The following SMOX variants were observed in gnomAD, a reference collection of about 807,000 sequenced individuals.
The protein encoded by SMOX is flavin containing amine oxidase.
SMOX carries 22 observed loss-of-function variants against 51.0 expected under a neutral mutation model. The ratio of observed to expected loss-of-function variants is 0.43; its 90% CI spans 0.31 to 0.62. The LOEUF is 0.62. SMOX is among the 20% of genes least tolerant of loss of function. The probability of loss-of-function intolerance (pLI) is 0.10; values close to 1 mark genes in which losing one functional copy is unlikely to be tolerated. For missense variants in SMOX, 566 were observed against 777.7 expected (o/e 0.73, Z 3.24); for synonymous variants, 282 against 307.8 (o/e 0.92, Z 0.88).
intron 1 of SMOX, among the ~76,000 whole-genome samples, chr20:4,158,012 T>C (rs1216249776): frequency 1.3e-5 from 2 of 151,874 alleles, no homozygotes; most frequent in South Asian, 2.1e-4. Flanking sequence ...GCCATTCTCC[T>C]GCCTCAGCCT....
chr20:4,156,082 T>C (rs1986010154), intron 1 of SMOX, among the ~76,000 whole-genome samples: 1 of 152,102 alleles, frequency 6.6e-6, no homozygotes, highest in Non-Finnish European at 1.5e-5. Context: ...AGGGGACAAA[T>C]AAGGGTAGAA....
intron 1 of SMOX, among the ~76,000 whole-genome samples, chr20:4,150,146 C>T (rs1985662097): frequency 6.6e-6 from 1 of 152,200 alleles, no homozygotes; most frequent in South Asian, 2.1e-4. Flanking sequence ...TGCCTTGGCA[C>T]CCTGTCTCTC....
At chr20:4,158,046 G>A (rs908231086) in intron 1 of SMOX, among the ~76,000 whole-genome samples, 63 of 150,506 alleles carry the variant, frequency 4.2e-4, no homozygotes, top group Non-Finnish European at 4.3e-4. Flanking sequence ...GACTACAGGC[G>A]CCCGCCACCA....
At chr20:4,179,125 A>G (rs1477358896) in intron 3 of SMOX, among the ~76,000 whole-genome samples, 6 of 152,180 alleles carry the variant, frequency 3.9e-5, no homozygotes, top group Non-Finnish European at 8.8e-5. Context: ...ATTCTCACTC[A>G]TGTGCAAAGA....
At position 4,182,321 on chromosome 20, in the gene SMOX, G is replaced by A. The variant is rs755137940; in HGVS notation, c.842G>A (p.Arg281Gln). Residue 281 changes from arginine (R) to glutamine (Q), a missense_variant, in exon 5 of 7, where the codon CGG becomes CAG. By Grantham distance (43) the Arg-to-Gln change is conservative (BLOSUM62 1). Transcript: ENST00000305958. The surrounding 1 kb of genome is among the most constrained non-coding windows in gnomAD (Gnocchi z 8.4). ...CCCAGAGGCCCTGAGATTGAGCCCC[G>A]GGGTGAGGGCGACCACAATCACGAC... The part of the protein sequence containing the change: ...ARPRGPEIEP[R>Q]GEGDHNHDTG... 44 of 1,597,272 alleles carry A rather than the reference G, an allele frequency of 2.8e-5. No individual in the cohort carries two copies. The highest frequency in any genetic ancestry group is 1.5e-4 in the Admixed American group (9 of 59,024).
chr20:4,175,013 A>G lies in SMOX; in HGVS notation c.-26-17A>G. 4 of 1,608,742 alleles carry G rather than the reference A, an allele frequency of 2.5e-6. No homozygotes were observed. Among genetic ancestry groups the G allele is most frequent in the South Asian group, 1.1e-5 (1 of 90,884 alleles). On this transcript the variant is annotated splice_polypyrimidine_tract_variant and intron_variant, in intron 1 of 6. Transcript: ENST00000305958. ...GAAGGCAGAGCCACTAAGCTGTGAC[A>G]CCTCCTCCCCCTGCAGGTTCCTAGA...
intron 1 of SMOX, among the ~76,000 whole-genome samples, chr20:4,154,564 T>C (rs1985914009): frequency 6.6e-6 from 1 of 152,066 alleles, no homozygotes; most frequent in Non-Finnish European, 1.5e-5. Context: ...GGTTTCACCA[T>C]ATTGGTCAGG....
At chr20:4,156,020 AT>A (rs1986006640) in intron 1 of SMOX, among the ~76,000 whole-genome samples, 1 of 152,090 alleles carries the variant, frequency 6.6e-6, no homozygotes, top group African/African-American at 2.4e-5. Flanking sequence ...GTCCTGCGGG[AT>A]GGGAGGGGAT....
Position 4,181,814 on chromosome 20 carries a change from G to T in SMOX, c.447G>T (p.Leu149Phe). The change falls in exon 4 of 7, where the codon TTG (leucine) becomes TTT (phenylalanine). Residue 149 changes from leucine to phenylalanine, a missense_variant. Physicochemically the swap from Leu to Phe is conservative, Grantham distance 22. This residue lies in a region of SMOX where 217 missense variants were observed against 278.4 expected (regional missense o/e 0.78). Transcript: ENST00000305958. The surrounding 1 kb of genome is among the most constrained non-coding windows in gnomAD (Gnocchi z 5.6). ...FSDLYNEVYN[L>F]TQEFFRHDKP... ...GGTCTCTCTGGCAGGTCTATAACTT[G>T]ACCCAGGAGTTCTTCCGGCACGATA... 1 of 1,613,952 alleles carries T rather than the reference G, an allele frequency of 6.2e-7. No homozygotes were observed. The highest frequency in any genetic ancestry group is 1.1e-5 in the South Asian group (1 of 91,032).
At chr20:4,155,403 C>T (rs6052403) in intron 1 of SMOX, among the ~76,000 whole-genome samples, 4,518 of 144,304 alleles carry the variant, frequency 0.031, 229 homozygotes, top group African/African-American at 0.1. Flanking sequence ...ACCTCTGCGG[C>T]GTACGTGGGA....
rs1267852621 is a variant in SMOX, at chr20:4,170,348, C to T, written c.-26-4682C>T. Among the ~76,000 whole-genome samples, 1 of 152,150 alleles carries T rather than the reference C, an allele frequency of 6.6e-6. No homozygotes were observed. The highest frequency in any genetic ancestry group is 2.4e-5 in the African/African-American group (1 of 41,438). On this transcript the variant is annotated intron_variant, in intron 1 of 6. Coordinates refer to ENST00000305958, the MANE Select transcript of SMOX (RefSeq NM_175839.3). The surrounding 1 kb of genome is among the most constrained non-coding windows in gnomAD (Gnocchi z 4.6). Reference sequence around the variant, plus strand: ...AAGTGCCAGGAGTTGGGTGGTGCCTCCTGTTTAGTTCTGGGCATTTCCAGG... The same window carrying T: ...AAGTGCCAGGAGTTGGGTGGTGCCTTCTGTTTAGTTCTGGGCATTTCCAGG...
At chr20:4,163,364 G>C (rs1268861749) in intron 1 of SMOX, among the ~76,000 whole-genome samples, 1 of 152,190 alleles carries the variant, frequency 6.6e-6, no homozygotes, top group Non-Finnish European at 1.5e-5. Flanking sequence ...CCTGGGCCAG[G>C]CTCCCTGCCC....
chr20:4,155,265 C>T (rs1985956319), intron 1 of SMOX, among the ~76,000 whole-genome samples: 1 of 152,174 alleles, frequency 6.6e-6, no homozygotes, highest in Non-Finnish European at 1.5e-5. Flanking sequence ...GCTGCCGGGC[C>T]ATCACCCCAG....
rs140225529 is a variant in SMOX at position 4,181,835 on chromosome 20, C to T, written c.468C>T (p.His156=). Residue 156 remains histidine, a synonymous_variant, in exon 4 of 7, where the codon CAC becomes CAT. Transcript: ENST00000305958. This position sits in a 1 kb window ranked among gnomAD's most constrained non-coding sequence, Gnocchi z 5.6. ...ACTTGACCCAGGAGTTCTTCCGGCA[C>T]GATAAACCAGTCAATGCTGAAAGTC... is the stretch of plus-strand genomic sequence containing the variant. ...VYNLTQEFFR[H]DKPVNAESQN... is the part of the protein sequence containing the mutation. 1.0e-4 allele frequency: 167 copies of T among 1,614,048 alleles called. No individual in the cohort carries two copies. In the East Asian group the frequency reaches 2.4e-3, roughly 23 times the overall value.
In SMOX at chr20:4,153,965, G is replaced by A. The variant is rs1985883480; in HGVS notation, c.-27+4988G>A. 1.3e-5 allele frequency among the ~76,000 whole-genome samples: 2 copies of A among 152,198 alleles called. No individual in the cohort carries two copies. The highest frequency in any genetic ancestry group is 4.1e-4 in the South Asian group (2 of 4,826). On this transcript the variant is annotated intron_variant, in intron 1 of 6. Transcript: ENST00000305958. The surrounding 1 kb of genome is among the most constrained non-coding windows in gnomAD (Gnocchi z 4.4). Reference sequence around the variant, plus strand: ...GTGTTCAGAGCCTTTGGGAACACAGGACACGGTTCCTGCTCTCCAGGAAAT... The same window carrying A: ...GTGTTCAGAGCCTTTGGGAACACAGAACACGGTTCCTGCTCTCCAGGAAAT...
intron 1 of SMOX, among the ~76,000 whole-genome samples, chr20:4,174,708 A>AT (rs1978689662): frequency 6.6e-6 from 1 of 152,110 alleles, no homozygotes; most frequent in African/African-American, 2.4e-5. Flanking sequence ...GGGATTGAGA[A>AT]TTTCAGGGGC....
At chr20:4,161,773 C>T (rs777015999) in intron 1 of SMOX, among the ~76,000 whole-genome samples, 10 of 152,200 alleles carry the variant, frequency 6.6e-5, no homozygotes, top group Non-Finnish European at 1.3e-4. Context: ...GTTGCAGTAT[C>T]CCCAGTGCCT....
intron 1 of SMOX, among the ~76,000 whole-genome samples, chr20:4,163,449 C>T (rs1337545013): frequency 6.6e-6 from 1 of 152,116 alleles, no homozygotes; most frequent in South Asian, 2.1e-4. Flanking sequence ...GAGTGTTTAC[C>T]TGGGGACTTC....
Position 4,182,328 on chromosome 20 carries a change from G to C in SMOX, c.849G>C (p.Glu283Asp). ...PRGPEIEPRG[E>D]GDHNHDTGEG... ...GCCCTGAGATTGAGCCCCGGGGTGA[G>C]GGCGACCACAATCACGACACTGGGG... is the stretch of plus-strand genomic sequence containing the variant. Residue 283 changes from glutamate (E) to aspartate (D), a missense_variant, in exon 5 of 7, where the codon GAG becomes GAC. By Grantham distance (45) the Glu-to-Asp change is conservative. Around this residue, in one of 3 missense-constraint regions of SMOX, gnomAD observed 347 missense variants for 481.8 expected, o/e 0.72. Coordinates refer to ENST00000305958, the MANE Select transcript of SMOX (RefSeq NM_175839.3). The surrounding 1 kb of genome is among the most constrained non-coding windows in gnomAD (Gnocchi z 8.4). 6.3e-7 allele frequency: 1 copy of C among 1,595,552 alleles called. No homozygotes were observed. Among genetic ancestry groups the C allele is most frequent in the African/African-American group, 1.3e-5 (1 of 74,674 alleles).
Sources: gnomAD v4.1 joint callset for allele counts (sites outside exome capture counted in the v4.1 genomes callset) on GRCh38, gnomAD v4.1.1 for gene constraint, gnomAD v4.1.1 regional missense constraint, Gnocchi (gnomAD v3.1) non-coding constraint, MANE v1.5 for transcripts, NCBI Gene and HGNC (gene_info 2026-07-23, HGNC 2026-07-21) for gene names.